CARS2: variants seen among roughly 807,000 people sequenced by gnomAD.
The protein encoded by CARS2 is probable cysteine--tRNA ligase, mitochondrial.
A neutral mutation model predicts 68.8 loss-of-function variants in CARS2; 52 were observed. The ratio of observed to expected loss-of-function variants is 0.76; its 90% CI spans 0.61 to 0.95. The LOEUF is 0.95. Among genes scored for constraint, CARS2 ranks in the 40% least tolerant of loss-of-function variants. CARS2 has a pLI of 0.00. For missense variants in CARS2, 780 were observed against 754.2 expected, an observed-to-expected ratio of 1.03 and a Z score of -0.40; for synonymous variants, 314 against 303.6, an observed-to-expected ratio of 1.03 and a Z score of -0.36.
At chr13:110,677,302 ACC>A (rs2062984051) in intron 6 of CARS2, among the ~76,000 whole-genome samples, 199 bp from the exon 7 acceptor site, 1 of 23,672 alleles carries the variant, frequency 4.2e-5, no homozygotes. Flanking sequence ...ACAGAAAATC[ACC>A]CCAACATGGA....
rs151155114 is a variant in CARS2, at chr13:110,683,095, T to C, written c.611A>G (p.Tyr204Cys). 2 of 1,602,824 alleles carry C rather than the reference T, an allele frequency of 1.2e-6. No homozygotes were observed. Among genetic ancestry groups the C allele is most frequent in the Non-Finnish European group, 1.7e-6 (2 of 1,176,188 alleles). ...AGGGACCACGCCGACCAATTTGCCA[T>C]ACTTGTCTCCTCTAGACTTCAGATC... is the stretch of plus-strand genomic sequence containing the variant. ...YFDLKSRGDK[Y>C]GKLVGVVPGP... The change falls in exon 6 of 15, where the codon TAT becomes TGT. Residue 204 changes from tyrosine (Y) to cysteine (C), a missense_variant. Tyr to Cys is a radical substitution (Grantham distance 194, BLOSUM62 -2). Transcript: ENST00000257347.
chr13:110,706,182 C>A (rs1185800452), upstream of CARS2: 8 of 966,146 alleles, frequency 8.3e-6, no homozygotes, highest in Non-Finnish European at 1.1e-5. Context: ...CCCCGCCCCG[C>A]CCCGCCCACG....
chr13:110,680,019 G>A (rs2063111044), intron 6 of CARS2, among the ~76,000 whole-genome samples: 1 of 152,190 alleles, frequency 6.6e-6, no homozygotes, highest in Non-Finnish European at 1.5e-5. Flanking sequence ...TTAAGGAAAA[G>A]GTCCTGCCTT....
intron 9 of CARS2, among the ~76,000 whole-genome samples, chr13:110,662,247 C>T (rs1227287335): frequency 1.0e-5 from 1 of 98,042 alleles, no homozygotes; most frequent in Non-Finnish European, 2.0e-5. Context: ...GGGTTCGGAC[C>T]TCTCTCTGCG....
intron 3 of CARS2, chr13:110,698,095 C>A (rs1328817169): frequency 2.5e-6 from 1 of 396,502 alleles, no homozygotes. Context: ...AGTTCCACCC[C>A]ATTTCACAAA....
chr13:110,694,228 G>C (rs981716169), intron 3 of CARS2, among the ~76,000 whole-genome samples: 1 of 151,658 alleles, frequency 6.6e-6, no homozygotes, highest in African/African-American at 2.4e-5. Context: ...GTTTCTCCAC[G>C]GTGGTTAGGC....
chr13:110,687,803 C>T lies in CARS2; in HGVS notation c.489G>A (p.Leu163=), dbSNP rs779188351. The T allele has an allele frequency of 2.5e-6, 4 of 1,612,550 alleles. No homozygotes were observed. In the South Asian group the frequency reaches 4.4e-5, roughly 18 times the overall value. The part of the protein sequence containing the change: ...ALKVLPPTVY[L]RVTENIPQII... ...TCTGAGGAATATTTTCGGTTACCCTCAGGTACACCGTGGGTGGGAGAACCT... is the reference window on the plus strand; with the variant it reads ...TCTGAGGAATATTTTCGGTTACCCTTAGGTACACCGTGGGTGGGAGAACCT... Residue 163 remains leucine (L), a synonymous_variant, in exon 5 of 15, where the codon CTG becomes CTA. Transcript: ENST00000257347.
At chr13:110,657,728 T>G (rs934799731) in intron 9 of CARS2, among the ~76,000 whole-genome samples, 1 of 152,182 alleles carries the variant, frequency 6.6e-6, no homozygotes, top group African/African-American at 2.4e-5. Flanking sequence ...TCTAAAACCA[T>G]AGGGTGGAAG....
intron 2 of CARS2, among the ~76,000 whole-genome samples, chr13:110,702,373 A>G (rs2063812157): frequency 6.6e-6 from 1 of 152,192 alleles, no homozygotes; most frequent in South Asian, 2.1e-4. Context: ...AACCTCTTAC[A>G]GCTCAGTCGG....
chr13:110,672,331 C>A (rs2062825349), intron 7 of CARS2, among the ~76,000 whole-genome samples: 2 of 152,182 alleles, frequency 1.3e-5, no homozygotes, highest in African/African-American at 4.8e-5. Flanking sequence ...CACTCCTCAG[C>A]AAATGTAAAA....
chr13:110,680,827 G>T (rs1470603074), intron 6 of CARS2, among the ~76,000 whole-genome samples: 1 of 152,232 alleles, frequency 6.6e-6, no homozygotes, highest in East Asian at 1.9e-4. Context: ...TCGTGTTAAG[G>T]GACACGTGTT....
chr13:110,678,369 C>T (rs2063034272), intron 6 of CARS2, among the ~76,000 whole-genome samples: 1 of 152,190 alleles, frequency 6.6e-6, no homozygotes, highest in African/African-American at 2.4e-5. Flanking sequence ...TCACCAAAAC[C>T]TGCTGTCCCA....
At chr13:110,648,897 G>C (rs571796951) in intron 10 of CARS2, 1 of 152,322 alleles carries the variant, frequency 6.6e-6, no homozygotes, top group South Asian at 2.1e-4. Flanking sequence ...GGGAGGCGGG[G>C]CTTCCGAGGG....
chr13:110,661,269 C>A (rs566900061), intron 9 of CARS2, among the ~76,000 whole-genome samples: 5 of 152,354 alleles, frequency 3.3e-5, no homozygotes, highest in Admixed American at 1.3e-4. Context: ...TTCGAAAGAT[C>A]TGCTGTTTAG....
At chr13:110,711,962 G>C (rs1486962239) in intron 1 of CARS2, among the ~76,000 whole-genome samples, 4 of 152,244 alleles carry the variant, frequency 2.6e-5, no homozygotes, top group African/African-American at 9.6e-5. Flanking sequence ...AAGAGTTTTA[G>C]ATGTTACAAC....
At chr13:110,687,879 G>T in intron 4 of CARS2, 53 bp from the exon 5 acceptor site, 1 of 1,557,368 alleles carries the variant, frequency 6.4e-7, no homozygotes, top group Non-Finnish European at 8.9e-7. Flanking sequence ...GCACAGGTCA[G>T]CCAGCACCAG....
chr13:110,666,267 G>A lies in CARS2; in HGVS notation c.919+1073C>T, dbSNP rs193246838. On this transcript the variant is annotated intron_variant, in intron 8 of 14. Transcript: ENST00000257347. ...ACGGAAGTGAGGGCGGCAGGCGTTT[G>A]TTCTGATTAGAAACTCCACCGACAC... 9.7e-3 allele frequency: 9,567 copies of A among 985,340 alleles called. 66 individuals are homozygous for A. Among genetic ancestry groups the A allele is most frequent in the Middle Eastern group, 0.016 (30 of 1,914 alleles). The allele number at this position is 985,340 out of a possible 1,614,324, so 61.0% of individuals were successfully genotyped here.
intron 7 of CARS2, among the ~76,000 whole-genome samples, chr13:110,672,877 A>G (rs973298598): frequency 6.6e-6 from 1 of 152,214 alleles, no homozygotes; most frequent in Non-Finnish European, 1.5e-5. Context: ...AAAATGATAA[A>G]GGGGATATCA....
intron 3 of CARS2, among the ~76,000 whole-genome samples, chr13:110,695,545 A>G (rs960104205): frequency 6.6e-6 from 1 of 152,144 alleles, no homozygotes; most frequent in Non-Finnish European, 1.5e-5. Flanking sequence ...TGTACATGCA[A>G]TGTGACATTA....
Sources: gnomAD v4.1 joint callset for allele counts (sites outside exome capture counted in the v4.1 genomes callset) on GRCh38, gnomAD v4.1.1 for gene constraint, MANE v1.5 for transcripts, NCBI Gene and HGNC (gene_info 2026-07-23, HGNC 2026-07-21) for gene names.